PAICS: variants seen among roughly 807,000 people sequenced by gnomAD.
PAICS encodes the protein phosphoribosylaminoimidazole carboxylase and phosphoribosylaminoimidazolesuccinocarboxamide synthase.
Under a neutral mutation model 53.7 loss-of-function variants are expected in PAICS, and 33 were observed. The observed-to-expected ratio is 0.61, with a 90% confidence interval of 0.47 to 0.82. The LOEUF (loss-of-function observed/expected upper bound fraction) is 0.82, where lower values mean the gene tolerates loss of function less well. Ranked by LOEUF, PAICS falls within the 40% of genes least tolerant of loss-of-function variation. The pLI is 0.00. For missense variants in PAICS, 394 were observed against 494.1 expected (o/e 0.80, Z 1.92); for synonymous variants, 141 against 167.2 (o/e 0.84, Z 1.21).
intron 3 of PAICS, among the ~76,000 whole-genome samples, chr4:56,447,314 T>C (rs567560498): frequency 2.0e-5 from 3 of 152,294 alleles, no homozygotes; most frequent in South Asian, 4.1e-4. Context: ...TAAGCATAGA[T>C]CTGCTTGGGA....
the PAICS span, among the ~76,000 whole-genome samples, chr4:56,426,424 C>G: frequency 1.3e-5 from 2 of 151,808 alleles, no homozygotes; most frequent in African/African-American, 4.8e-5. Flanking sequence ...GAAAGAAACC[C>G]CATATCCATC....
At chr4:56,427,265 A>G in the PAICS span, among the ~76,000 whole-genome samples, 1 of 152,272 alleles carries the variant, frequency 6.6e-6, no homozygotes, top group East Asian at 1.9e-4. Context: ...TGTTGATCAT[A>G]TGGTAATTTG....
In PAICS at chr4:56,438,319, T is replaced by C. The variant is rs148395925; in HGVS notation, c.16+1991T>C. Among the ~76,000 whole-genome samples, 15 of 148,490 alleles carry C rather than the reference T, an allele frequency of 1.0e-4. No homozygotes were observed. In the East Asian group the frequency reaches 2.9e-3, roughly 29 times the overall value. ...GGAAATATAATGTAAATTTGTCTTC[T>C]ATAAGCCACATTTTAAAAAGTAAAA... On this transcript the variant is annotated intron_variant, in intron 1 of 8. Coordinates refer to ENST00000512576, the MANE Select transcript of PAICS (RefSeq NM_001079524.2).
At chr4:56,436,210 C>T (rs1717936832), upstream of PAICS, 3 of 1,531,692 alleles carry the variant, frequency 2.0e-6, no homozygotes, top group East Asian at 7.4e-5. Flanking sequence ...GGTCGCGCGG[C>T]CCCGCCTCCT....
intron 6 of PAICS, 75 bp downstream of exon 6, chr4:56,450,777 A>G (rs549571725): frequency 1.6e-5 from 12 of 770,016 alleles, no homozygotes; most frequent in Non-Finnish European, 2.2e-5. Context: ...AAGAAAAAAA[A>G]ATGGGAGAGT....
At chr4:56,438,466 C>T (rs1403037646) in intron 1 of PAICS, among the ~76,000 whole-genome samples, 3 of 149,356 alleles carry the variant, frequency 2.0e-5, no homozygotes, top group Non-Finnish European at 4.4e-5. Flanking sequence ...GAGTCTCGCT[C>T]TGTGTGGCCC....
At chr4:56,452,281 C>A (rs999388548) in intron 7 of PAICS, among the ~76,000 whole-genome samples, 1 of 152,126 alleles carries the variant, frequency 6.6e-6, no homozygotes, top group African/African-American at 2.4e-5. Context: ...CGGGTTCACA[C>A]CATTCTCCTG....
chr4:56,441,877 A>T lies in PAICS; in HGVS notation c.214+17A>T. ...AGGAAGCAGGTAAGCAGCTCCCTCA[A>T]AGTCTCTTCTCTCACCTTCTCTGGT... On this transcript the variant is annotated intron_variant, in intron 2 of 8. Coordinates refer to ENST00000512576, the MANE Select transcript of PAICS (RefSeq NM_001079524.2). The T allele has an allele frequency of 1.3e-6, 2 of 1,541,820 alleles. No homozygotes were observed. The highest frequency in any genetic ancestry group is 1.8e-6 in the Non-Finnish European group (2 of 1,131,910).
chr4:56,452,680 T>C (rs1306522635), intron 7 of PAICS, among the ~76,000 whole-genome samples: 8 of 152,184 alleles, frequency 5.3e-5, no homozygotes, highest in Non-Finnish European at 1.0e-4. Context: ...GCCCCCACAG[T>C]TACAGGAGGC....
the PAICS span, chr4:56,410,909 A>T: frequency 2.4e-6 from 2 of 824,172 alleles, no homozygotes; most frequent in Non-Finnish European, 1.5e-6. Context: ...TAAAAAAAAA[A>T]AAAAAAAAAA....
At chr4:56,434,737 T>C (rs1000549232), upstream of PAICS, among the ~76,000 whole-genome samples, 2 of 152,154 alleles carry the variant, frequency 1.3e-5, no homozygotes, top group Non-Finnish European at 2.9e-5. Flanking sequence ...CTTATTTCCA[T>C]TTAATTTATG....
At chr4:56,437,516 A>C (rs1198274847) in intron 1 of PAICS, among the ~76,000 whole-genome samples, 1 of 152,014 alleles carries the variant, frequency 6.6e-6, no homozygotes, top group Non-Finnish European at 1.5e-5. Context: ...AACTGAATTC[A>C]GATTTTAAAA....
chr4:56,433,871 T>C (rs1717745545), upstream of PAICS, among the ~76,000 whole-genome samples: 1 of 152,172 alleles, frequency 6.6e-6, no homozygotes, highest in Admixed American at 6.5e-5. Flanking sequence ...ATTGTATTTT[T>C]AGCAGAGATG....
At chr4:56,436,002 G>A (rs145192165), upstream of PAICS, 14 of 1,527,128 alleles carry the variant, frequency 9.2e-6, no homozygotes, top group Non-Finnish European at 1.1e-5. Flanking sequence ...AGAGTGGGGA[G>A]GGGCCGCCAG....
At chr4:56,441,600 G>A in intron 1 of PAICS, 63 bp from the exon 2 acceptor site, 13 of 655,358 alleles carry the variant, frequency 2.0e-5, no homozygotes. Context: ...TGTTCTAGGT[G>A]ATTTAGTCTT....
At chr4:56,434,425 A>T (rs796624188), upstream of PAICS, among the ~76,000 whole-genome samples, 6 of 152,358 alleles carry the variant, frequency 3.9e-5, no homozygotes, top group African/African-American at 1.4e-4. Context: ...TAATACTTTC[A>T]GTAAGAATAT....
At chr4:56,436,042 T>G (rs1717915338), upstream of PAICS, 2 of 1,518,442 alleles carry the variant, frequency 1.3e-6, no homozygotes, top group Non-Finnish European at 1.8e-6. Context: ...GTCCGGGCAC[T>G]GCGCCAGCGC....
intron 2 of PAICS, chr4:56,446,416 A>G: frequency 1.4e-6 from 1 of 717,696 alleles, no homozygotes; most frequent in Non-Finnish European, 2.6e-6. Flanking sequence ...TTTTTCATTT[A>G]GCCTAGTGTT....
chr4:56,422,197 C>T, the PAICS span: 1 of 152,182 alleles, frequency 6.6e-6, no homozygotes, highest in Non-Finnish European at 1.5e-5. Flanking sequence ...TCCTTGGAAC[C>T]TGGGAGGCAG....
Sources: gnomAD v4.1 joint callset for allele counts (sites outside exome capture counted in the v4.1 genomes callset) on GRCh38, gnomAD v4.1.1 for gene constraint, MANE v1.5 for transcripts, NCBI Gene and HGNC (gene_info 2026-07-23, HGNC 2026-07-21) for gene names.